The following BANP variants were observed in gnomAD, a reference collection of about 807,000 sequenced individuals.
BANP encodes protein BANP.
Under a neutral mutation model 68.1 loss-of-function variants are expected in BANP, and 11 were observed. That is an observed-to-expected ratio of 0.16 (90% confidence interval 0.10 to 0.27). The LOEUF (loss-of-function observed/expected upper bound fraction) is 0.27. Ranked by LOEUF, BANP falls within the 10% of genes least tolerant of loss-of-function variation. The probability of loss-of-function intolerance (pLI) is 1.00; values close to 1 mark genes in which losing one functional copy is unlikely to be tolerated. For synonymous variants in BANP, 329 were observed against 303.2 expected (o/e 1.09, Z -0.88); for missense variants, 504 against 722.7 (o/e 0.70, Z 3.47).
chr16:87,961,407 G>C (rs1597758982), intron 1 of BANP, among the ~76,000 whole-genome samples: 11 of 117,650 alleles, frequency 9.3e-5, no homozygotes, highest in Non-Finnish European at 1.4e-4. Flanking sequence ...CACAGAATCT[G>C]CACCCCCCCG....
intron 8 of BANP, among the ~76,000 whole-genome samples, chr16:88,029,610 CAA>C (rs60313647): frequency 3.4e-4 from 41 of 118,980 alleles, no homozygotes; most frequent in Admixed American, 5.7e-4. Flanking sequence ...GACTCCGTCT[CAA>C]AAAAAAAAAA....
At chr16:88,072,867 T>G (rs1225993689) in intron 13 of BANP, among the ~76,000 whole-genome samples, 2 of 152,182 alleles carry the variant, frequency 1.3e-5, no homozygotes, top group Non-Finnish European at 2.9e-5. Flanking sequence ...CCACCTGCTT[T>G]GGGAACGTGC....
intron 3 of BANP, among the ~76,000 whole-genome samples, chr16:87,983,456 T>A (rs2063685466): frequency 6.6e-6 from 1 of 152,098 alleles, no homozygotes; most frequent in Admixed American, 6.5e-5. Context: ...GTCCGGCACG[T>A]GACTGCTCAC....
chr16:87,953,056 G>T (rs1463641006), intron 1 of BANP, among the ~76,000 whole-genome samples: 1 of 152,062 alleles, frequency 6.6e-6, no homozygotes, highest in Non-Finnish European at 1.5e-5. Context: ...CAACATCTCG[G>T]GTGCTTCATC....
chr16:88,021,746 A>C (rs1598522943), intron 7 of BANP, among the ~76,000 whole-genome samples: 1 of 152,200 alleles, frequency 6.6e-6, no homozygotes, highest in Middle Eastern at 3.4e-3. Flanking sequence ...GCATTGCCCC[A>C]CCTTACTCTC....
At chr16:88,040,675 C>G (rs565781709) in intron 11 of BANP, among the ~76,000 whole-genome samples, 14 of 152,334 alleles carry the variant, frequency 9.2e-5, no homozygotes, top group African/African-American at 3.4e-4. Context: ...TCAGAAGCAT[C>G]CTTCATGTGA....
At chr16:88,076,482 T>G (rs1169272897) in intron 13 of BANP, 108 bp from the exon 14 acceptor site, 6 of 932,586 alleles carry the variant, frequency 6.4e-6, no homozygotes, top group Non-Finnish European at 6.4e-6. Context: ...CGCGCTCCTG[T>G]GTGCGTGTTT....
intron 6 of BANP, chr16:88,017,239 T>C (rs900090419): frequency 3.9e-5 from 6 of 152,260 alleles, no homozygotes; most frequent in African/African-American, 1.2e-4. Flanking sequence ...TCAGAGACTC[T>C]GGCAGAGCGT....
intron 4 of BANP, among the ~76,000 whole-genome samples, chr16:87,992,019 T>C (rs1203058872): frequency 6.6e-6 from 1 of 152,262 alleles, no homozygotes; most frequent in Non-Finnish European, 1.5e-5. Flanking sequence ...CTTAATCAGA[T>C]TGAAGAAGTT....
intron 6 of BANP, among the ~76,000 whole-genome samples, chr16:88,008,457 G>C (rs938803023): frequency 6.6e-6 from 1 of 152,134 alleles, no homozygotes; most frequent in Non-Finnish European, 1.5e-5. Flanking sequence ...TGTGGATTTT[G>C]TATAAATCCC....
rs770193546 is a variant in BANP, at chr16:87,984,270, A to G, written c.362+11A>G. 2 of 1,563,618 alleles carry G rather than the reference A, an allele frequency of 1.3e-6. No homozygotes were observed. The highest frequency in any genetic ancestry group is 1.7e-6 in the Non-Finnish European group (2 of 1,153,270). On this transcript the variant is annotated intron_variant, in intron 4 of 13. Coordinates refer to ENST00000682872, the MANE Select transcript of BANP (RefSeq NM_001386991.1). ...CAACAAAGTGCGATGGTAAGAACAG[A>G]CCAGGGTGCCGGGGCCTTCAGGTCA...
intron 1 of BANP, among the ~76,000 whole-genome samples, chr16:87,962,109 G>A (rs1051015264): frequency 1.3e-4 from 20 of 151,812 alleles, no homozygotes; most frequent in Non-Finnish European, 1.6e-4. Flanking sequence ...GTGCAGTGGC[G>A]TGCGCCTGTA....
At chr16:88,021,716 C>T (rs537940766) in intron 7 of BANP, among the ~76,000 whole-genome samples, 5 of 152,324 alleles carry the variant, frequency 3.3e-5, no homozygotes, top group South Asian at 2.1e-4. Flanking sequence ...GCTTGAACAG[C>T]GGCAGGAGTG....
At chr16:88,035,592 G>C (rs574331426) in intron 10 of BANP, among the ~76,000 whole-genome samples, 198 bp downstream of exon 10, 108 of 152,208 alleles carry the variant, frequency 7.1e-4, no homozygotes, top group Non-Finnish European at 1.9e-4. Flanking sequence ...CCTCCTGTCC[G>C]TTGGTCTCCA....
At chr16:87,975,380 C>T (rs936530667) in intron 2 of BANP, among the ~76,000 whole-genome samples, 195 bp downstream of exon 2, 2 of 152,234 alleles carry the variant, frequency 1.3e-5, no homozygotes, top group Non-Finnish European at 2.9e-5. Flanking sequence ...CCCCACGTCC[C>T]TTCTGGAGGG....
intron 11 of BANP, among the ~76,000 whole-genome samples, chr16:88,044,609 A>G (rs2081540944): frequency 6.6e-6 from 1 of 152,218 alleles, no homozygotes; most frequent in African/African-American, 2.4e-5. Flanking sequence ...AAGAGTTTGT[A>G]GTTCTAAAAG....
chr16:88,071,664 C>G lies in BANP; in HGVS notation c.1378-405C>G. On this transcript the variant is annotated intron_variant, in intron 12 of 13. Coordinates refer to ENST00000682872, the MANE Select transcript of BANP (RefSeq NM_001386991.1). The surrounding 1 kb of genome is among the most constrained non-coding windows in gnomAD (Gnocchi z 6.5). ...CTCAGCCTCACGCTCACGGTCCTGG[C>G]TTGGATTTTAGGCCTCAGTGGCACT... 1 of 473,604 alleles carries G rather than the reference C, an allele frequency of 2.1e-6. No individual in the cohort carries two copies. Among genetic ancestry groups the G allele is most frequent in the South Asian group, 1.5e-5 (1 of 64,684 alleles). The allele number at this position is 473,604 out of a possible 1,614,324, so 29.3% of individuals were successfully genotyped here.
intron 4 of BANP, among the ~76,000 whole-genome samples, chr16:87,996,257 C>T (rs1167515887): frequency 6.6e-6 from 1 of 152,208 alleles, no homozygotes; most frequent in Non-Finnish European, 1.5e-5. Context: ...CGCCTGAGAC[C>T]GGGACCCACC....
intron 4 of BANP, among the ~76,000 whole-genome samples, chr16:87,993,236 A>G (rs959716310): frequency 1.3e-5 from 2 of 152,182 alleles, no homozygotes. Flanking sequence ...TCCACAGTCA[A>G]GTGACTCTTT....
Sources: gnomAD v4.1 joint callset for allele counts (sites outside exome capture counted in the v4.1 genomes callset) on GRCh38, gnomAD v4.1.1 for gene constraint, Gnocchi (gnomAD v3.1) non-coding constraint, MANE v1.5 for transcripts, NCBI Gene and HGNC (gene_info 2026-07-23, HGNC 2026-07-21) for gene names.